MICU3: variants seen among roughly 807,000 people sequenced by gnomAD.
The protein encoded by MICU3 is calcium uptake protein 3, mitochondrial.
In MICU3, 62 loss-of-function variants were observed where a neutral mutation model predicts 66.5. The observed-to-expected ratio is 0.93, with a 90% CI of 0.76 to 1.15. The LOEUF is 1.15. MICU3 is among the 50% of genes most tolerant of loss of function. MICU3 has a pLI of 0.00. For missense variants in MICU3, 779 were observed against 664.4 expected (o/e 1.17, Z -1.90); for synonymous variants, 308 against 240.7 (o/e 1.28, Z -2.59).
chr8:17,045,260 C>G (rs887184707), intron 1 of MICU3, among the ~76,000 whole-genome samples: 1 of 152,300 alleles, frequency 6.6e-6, no homozygotes. Context: ...AACAGACTCT[C>G]TCTCTCTTTC....
At chr8:17,127,563 C>G (rs1803435709), downstream of MICU3, among the ~76,000 whole-genome samples, 1 of 88,656 alleles carries the variant, frequency 1.1e-5, no homozygotes, top group Non-Finnish European at 2.3e-5. Flanking sequence ...GGAAAGTATC[C>G]TTTACTATTT....
Position 17,114,110 on chromosome 8 carries a change from A to C in MICU3, c.1275A>C (p.Glu425Asp). 6.2e-7 allele frequency: 1 copy of C among 1,610,732 alleles called. No homozygotes were observed. The highest frequency in any genetic ancestry group is 8.5e-7 in the Non-Finnish European group (1 of 1,177,896). ...IPEEKGITFDEFRSFFQFLNN... is the reference protein window; with the variant it reads ...IPEEKGITFDDFRSFFQFLNN... ...CAATATAGGGCATCACATTTGATGA[A>C]TTCAGGTCATTTTTCCAGTTTTTAA... The change falls in exon 12 of 15, where the codon GAA becomes GAC. Residue 425 changes from glutamate (E) to aspartate (D), a missense_variant. Glu to Asp is a conservative substitution (Grantham distance 45). Transcript: ENST00000318063.
rs370647732 is a variant in MICU3 at position 17,087,025 on chromosome 8, G to A, written c.839G>A (p.Arg280His). 4.0e-5 allele frequency: 64 copies of A among 1,603,036 alleles called. No homozygotes were observed. The highest frequency in any genetic ancestry group is 1.7e-4 in the African/African-American group (13 of 74,598). ...GAAATTAAAGGAGATGAAGAAAAGCGTGCAATGCTGGTAAGAATACTTTAT... is the reference window on the plus strand; with the variant it reads ...GAAATTAAAGGAGATGAAGAAAAGCATGCAATGCTGGTAAGAATACTTTAT... ...KREIKGDEEK[R>H]AMLRLQLYGY... Residue 280 changes from arginine to histidine, a missense_variant, in exon 7 of 15, where the codon CGT becomes CAT. Physicochemically the swap from Arg to His is conservative, Grantham distance 29 (BLOSUM62 0). Coordinates refer to ENST00000318063, the MANE Select transcript of MICU3 (RefSeq NM_181723.3).
At chr8:17,128,229 T>TACACACACACACAC in the MICU3 span, among the ~76,000 whole-genome samples, 9 of 144,460 alleles carry the variant, frequency 6.2e-5, no homozygotes, top group African/African-American at 2.0e-4. Flanking sequence ...GAGATCAGTG[T>TACACACACACACAC]ACACACACAC....
At chr8:17,074,318 A>T (rs1820055730) in intron 3 of MICU3, among the ~76,000 whole-genome samples, 6 of 152,150 alleles carry the variant, frequency 3.9e-5, no homozygotes, top group Admixed American at 3.9e-4. Context: ...ATTGATAGAT[A>T]TAACCCATAT....
chr8:17,068,894 A>G (rs1385824131), intron 2 of MICU3, among the ~76,000 whole-genome samples: 1 of 152,186 alleles, frequency 6.6e-6, no homozygotes, highest in East Asian at 1.9e-4. Flanking sequence ...ATACAGCTGT[A>G]TTACAGGGCT....
At chr8:17,054,685 A>C (rs1040693656) in intron 1 of MICU3, among the ~76,000 whole-genome samples, 1 of 150,482 alleles carries the variant, frequency 6.6e-6, no homozygotes, top group African/African-American at 2.4e-5. Flanking sequence ...ATCTCTCAAC[A>C]TTCAAGGACT....
chr8:17,038,101 A>T (rs1480394807), intron 1 of MICU3, among the ~76,000 whole-genome samples: 1 of 152,124 alleles, frequency 6.6e-6, no homozygotes, highest in East Asian at 1.9e-4. Flanking sequence ...TGGACTTTTG[A>T]CTTAATACTG....
chr8:17,110,245 T>G (rs745530268), intron 11 of MICU3, among the ~76,000 whole-genome samples: 5 of 152,234 alleles, frequency 3.3e-5, no homozygotes, highest in African/African-American at 4.8e-5. Context: ...TAGCCTTTTG[T>G]TGTTTATTTT....
chr8:17,093,511 G>A (rs986135957), intron 8 of MICU3, among the ~76,000 whole-genome samples: 1 of 151,824 alleles, frequency 6.6e-6, no homozygotes. Context: ...TGTTAGTTAT[G>A]TGTTTTAAAT....
At chr8:17,093,630 G>A (rs1217997920) in intron 8 of MICU3, among the ~76,000 whole-genome samples, 1 of 151,560 alleles carries the variant, frequency 6.6e-6, no homozygotes. Flanking sequence ...CTTAATTTTT[G>A]TTTTATGTAT....
chr8:17,110,182 T>G (rs1410692630), intron 11 of MICU3, among the ~76,000 whole-genome samples: 3 of 152,208 alleles, frequency 2.0e-5, no homozygotes, highest in Non-Finnish European at 4.4e-5. Flanking sequence ...ATTTAGTCAA[T>G]ACTTTATTGT....
intron 1 of MICU3, among the ~76,000 whole-genome samples, chr8:17,063,763 A>G (rs559876507): frequency 2.0e-5 from 3 of 152,310 alleles, no homozygotes; most frequent in East Asian, 3.9e-4. Context: ...TCCTTCTAAA[A>G]GTACCACTGG....
At chr8:17,075,564 A>C (rs1820259526) in intron 3 of MICU3, among the ~76,000 whole-genome samples, 1 of 152,190 alleles carries the variant, frequency 6.6e-6, no homozygotes, top group African/African-American at 2.4e-5. Context: ...GAGATTCCTG[A>C]CATGGGTGGA....
At chr8:17,078,999 A>C (rs937107485) in intron 4 of MICU3, among the ~76,000 whole-genome samples, 1 of 152,186 alleles carries the variant, frequency 6.6e-6, no homozygotes, top group Non-Finnish European at 1.5e-5. Context: ...TTTTCTTAAT[A>C]TACCTCATGG....
the MICU3 span, among the ~76,000 whole-genome samples, chr8:17,129,040 A>C: frequency 6.6e-6 from 1 of 152,170 alleles, no homozygotes; most frequent in East Asian, 1.9e-4. Context: ...TCACTGAACA[A>C]CCCAAGCATT....
At chr8:17,096,104 A>C (rs543780044) in intron 8 of MICU3, among the ~76,000 whole-genome samples, 1 of 152,070 alleles carries the variant, frequency 6.6e-6, no homozygotes, top group South Asian at 2.1e-4. Context: ...CCAGTAGCTC[A>C]GATAGCAAAC....
intron 8 of MICU3, among the ~76,000 whole-genome samples, chr8:17,097,143 T>C (rs1420190712): frequency 1.3e-5 from 2 of 151,738 alleles, no homozygotes; most frequent in African/African-American, 2.4e-5. Context: ...ATATTAACCT[T>C]CTGAGTTGAA....
chr8:17,109,360 A>T (rs1415651677), intron 11 of MICU3, among the ~76,000 whole-genome samples: 1 of 152,180 alleles, frequency 6.6e-6, no homozygotes, highest in East Asian at 1.9e-4. Flanking sequence ...TCATGATGAA[A>T]TGGCACATGT....
Sources: gnomAD v4.1 joint callset for allele counts (sites outside exome capture counted in the v4.1 genomes callset) on GRCh38, gnomAD v4.1.1 for gene constraint, MANE v1.5 for transcripts, NCBI Gene and HGNC (gene_info 2026-07-23, HGNC 2026-07-21) for gene names.